MAP7D2: variants seen among roughly 807,000 people sequenced by gnomAD.
MAP7D2 encodes the protein MAP7 domain-containing protein 2.
Under a neutral mutation model 63.5 loss-of-function variants are expected in MAP7D2, and 33 were observed. The observed-to-expected ratio is 0.52, with a 90% CI of 0.39 to 0.70. The LOEUF (loss-of-function observed/expected upper bound fraction) is 0.70, where lower values mean the gene tolerates loss of function less well. Among genes scored for constraint, MAP7D2 ranks in the 30% least tolerant of loss-of-function variants. MAP7D2 has a pLI of 0.00. For synonymous variants in MAP7D2, 224 were observed against 223.7 expected (o/e 1.00, Z -0.01); for missense variants, 626 against 604.0 (o/e 1.04, Z -0.38).
intron 1 of MAP7D2, among the ~76,000 whole-genome samples, chrX:20,116,120 C>G (rs1031418333): frequency 1.8e-5 from 2 of 113,143 alleles, no homozygotes; most frequent in Admixed American, 9.2e-5. Flanking sequence ...TTGTTTGCCC[C>G]GCTGCCTCGA....
At chrX:20,030,939 C>A (rs2074027233) in intron 8 of MAP7D2, among the ~76,000 whole-genome samples, 1 of 112,003 alleles carries the variant, frequency 8.9e-6, no homozygotes, top group Admixed American at 9.5e-5. Flanking sequence ...TCAGAGGAAA[C>A]GTCAGGCCTA....
chrX:20,055,740 T>G, intron 4 of MAP7D2: 6 of 992,619 alleles, frequency 6.0e-6, no homozygotes, highest in Non-Finnish European at 7.8e-6. Flanking sequence ...ATACCGTTGG[T>G]GGACTCGGCA....
At chrX:20,074,135 CAAAAA>C (rs775366987) in intron 1 of MAP7D2, among the ~76,000 whole-genome samples, 1 of 59,411 alleles carries the variant, frequency 1.7e-5, no homozygotes, top group Non-Finnish European at 3.3e-5. Flanking sequence ...AACTCCGTCT[CAAAAA>C]AAAAAAAAAA....
At chrX:20,075,851 G>A (rs190943993) in intron 1 of MAP7D2, among the ~76,000 whole-genome samples, 34 of 111,767 alleles carry the variant, frequency 3.0e-4, no homozygotes, top group Non-Finnish European at 6.0e-4. Flanking sequence ...AGACCTATCA[G>A]TGGCCATTTA....
In MAP7D2 at chrX:20,012,433, C is replaced by A. The variant is rs769599191; in HGVS notation, c.1988G>T (p.Gly663Val). The change falls in exon 15 of 17, where the codon GGG becomes GTG. Residue 663 changes from glycine (G) to valine (V), a missense_variant. Transcript: ENST00000379643. ...AAGGGCATCCAGATGAATGAGTCCC[C>A]CAGCTGGCTTAAGCCCATTAGAGAA... ...DIFSNGLKPA[G>V]GLIHLDALDG... 10 of 1,207,486 alleles carry A rather than the reference C, an allele frequency of 8.3e-6. No individual in the cohort carries two copies. The South Asian group carries it at 1.2e-4, about 15-fold the overall frequency.
intron 1 of MAP7D2, among the ~76,000 whole-genome samples, chrX:20,084,412 T>TA (rs2065854332): frequency 9.0e-6 from 1 of 111,471 alleles, no homozygotes; most frequent in African/African-American, 3.3e-5. Flanking sequence ...GTGGCTTTGT[T>TA]AAAAATGGTA....
chrX:20,024,997 T>G lies in MAP7D2; in HGVS notation c.1366A>C (p.Lys456Gln). 3 of 1,211,778 alleles carry G rather than the reference T, an allele frequency of 2.5e-6. No homozygotes were observed. Among genetic ancestry groups the G allele is most frequent in the Non-Finnish European group, 3.4e-6 (3 of 895,437 alleles). The change falls in exon 10 of 17, where the codon AAG (lysine) becomes CAG (glutamine). Residue 456 changes from lysine (K) to glutamine (Q), a missense_variant. Transcript: ENST00000379643. ...AGTCGTTCTTGCTCCTCCTGTTCCT[T>G]CTGCAGCCGGGCCTGTCTTCTCTTT... ...AEKRRQARLQKEQEEQERLEK... is the reference protein window; with the variant it reads ...AEKRRQARLQQEQEEQERLEK...
chrX:20,093,874 C>T (rs2066137716), intron 1 of MAP7D2, among the ~76,000 whole-genome samples: 3 of 109,576 alleles, frequency 2.7e-5, no homozygotes, highest in African/African-American at 1.0e-4. Context: ...CTGAACTGAA[C>T]GCTTTAAAGG....
chrX:20,044,817 G>C (rs1245599523), intron 6 of MAP7D2, among the ~76,000 whole-genome samples: 1 of 110,749 alleles, frequency 9.0e-6, no homozygotes, highest in East Asian at 2.8e-4. Flanking sequence ...TCTAAACATC[G>C]ATTTCCTTGT....
intron 1 of MAP7D2, among the ~76,000 whole-genome samples, chrX:20,084,813 T>G (rs928950146): frequency 9.0e-6 from 1 of 111,120 alleles, no homozygotes; most frequent in Non-Finnish European, 1.9e-5. Context: ...AAGTGATCTA[T>G]CTACCTGCCT....
chrX:20,099,450 G>A (rs1449364612), intron 1 of MAP7D2, among the ~76,000 whole-genome samples: 1 of 111,782 alleles, frequency 8.9e-6, no homozygotes, highest in Non-Finnish European at 1.9e-5. Flanking sequence ...GCTCCCGAAA[G>A]AAGCCATCAT....
At chrX:20,052,758 A>T (rs181843061) in intron 5 of MAP7D2, 120 bp downstream of exon 5, 20 of 558,961 alleles carry the variant, frequency 3.6e-5, no homozygotes, top group Non-Finnish European at 5.2e-5. Flanking sequence ...AGACCACAAG[A>T]CTAGGACAAT....
intron 1 of MAP7D2, among the ~76,000 whole-genome samples, chrX:20,072,807 T>A (rs1484601818): frequency 9.0e-6 from 1 of 111,531 alleles, no homozygotes; most frequent in East Asian, 2.8e-4. Flanking sequence ...GCGTTATACA[T>A]CCATACAATG....
intron 6 of MAP7D2, among the ~76,000 whole-genome samples, chrX:20,045,813 G>A (rs1191553049): frequency 9.0e-6 from 1 of 111,407 alleles, no homozygotes; most frequent in Non-Finnish European, 1.9e-5. Context: ...CAGCTGAGCT[G>A]TTTTGAGAGG....
intron 8 of MAP7D2, among the ~76,000 whole-genome samples, chrX:20,035,282 T>C (rs1232163040): frequency 9.0e-6 from 1 of 111,264 alleles, no homozygotes; most frequent in Non-Finnish European, 1.9e-5. Flanking sequence ...CCTGAGCAGA[T>C]GGGCGGCTCT....
At chrX:20,047,094 C>T (rs1230983659) in intron 6 of MAP7D2, among the ~76,000 whole-genome samples, 1 of 112,423 alleles carries the variant, frequency 8.9e-6, no homozygotes, top group East Asian at 2.8e-4. Flanking sequence ...AGAACAGCTC[C>T]AGATGCCATC....
At position 20,094,502 on chromosome X, in the gene MAP7D2, ATATATATATATATG is replaced by A. The variant is rs1425341312; in HGVS notation, c.130+22234_130+22247del. On this transcript the variant is annotated intron_variant, in intron 1 of 16. Transcript: ENST00000379643. ...AAAATACATACATATATATATATAT[ATATATATATATATG>A]TATATATATATATATATATATATAT... Among the ~76,000 whole-genome samples the A allele has an allele frequency of 8.6e-3, 178 of 20,688 alleles. 5 individuals carry two copies. The highest frequency in any genetic ancestry group is 0.026 in the African/African-American group (149 of 5,797). The allele number at this position is 20,688 out of a possible 115,157, so 18.0% of individuals were successfully genotyped here.
chrX:20,111,074 A>T (rs996793926), intron 1 of MAP7D2, among the ~76,000 whole-genome samples: 4 of 111,650 alleles, frequency 3.6e-5, no homozygotes, highest in Non-Finnish European at 5.6e-5. Flanking sequence ...AAAGTCCAGG[A>T]CAGACTCTCT....
At chrX:20,013,423 C>T in intron 13 of MAP7D2, 146 bp downstream of exon 13, 1 of 523,278 alleles carries the variant, frequency 1.9e-6, no homozygotes, top group Non-Finnish European at 3.0e-6. Context: ...GGTACCTAAC[C>T]CTCCTTAACC....
Sources: allele counts gnomAD v4.1 joint callset (sites outside exome capture counted in the v4.1 genomes callset), GRCh38; gene constraint gnomAD v4.1.1; transcripts MANE v1.5; gene names NCBI Gene and HGNC (gene_info 2026-07-23, HGNC 2026-07-21).